Variants in TMEM74 observed in about 807,000 individuals in gnomAD.
TMEM74 encodes transmembrane protein 74.
Under a neutral mutation model 18.1 loss-of-function variants are expected in TMEM74, and 13 were observed. That is an observed-to-expected ratio of 0.72 (90% CI 0.47 to 1.14). The LOEUF (loss-of-function observed/expected upper bound fraction) is 1.14, where lower values mean the gene tolerates loss of function less well. Among genes scored for constraint, TMEM74 ranks in the 50% most tolerant of loss-of-function variants. The pLI is 0.00. For synonymous variants in TMEM74, 159 were observed against 146.6 expected (o/e 1.08, Z -0.61); for missense variants, 372 against 375.9 (o/e 0.99, Z 0.09).
rs144908708 is a variant in TMEM74, at chr8:108,634,397, T to C, written n.264+20896A>G. On this transcript the variant is annotated intron_variant and non_coding_transcript_variant, in intron 2 of 3. Coordinates refer to the TMEM74 transcript ENST00000518838. ...TATGTTCAACCAAATGCTACTCCTATTTCCCCCTATAAATTACTCCTCCTC... is the reference window on the plus strand; with the variant it reads ...TATGTTCAACCAAATGCTACTCCTACTTCCCCCTATAAATTACTCCTCCTC... Among the ~76,000 whole-genome samples, 943 of 152,038 alleles carry C rather than the reference T, an allele frequency of 6.2e-3. 14 individuals carry two copies. Among genetic ancestry groups the C allele is most frequent in the African/African-American group, 0.022 (899 of 41,526 alleles).
intron 1 of TMEM74, among the ~76,000 whole-genome samples, chr8:108,678,384 A>G (rs1813075562): frequency 6.6e-6 from 1 of 152,140 alleles, no homozygotes; most frequent in Admixed American, 6.5e-5. Context: ...TTAGTTTTTG[A>G]GATGGAGTCT....
intron 1 of TMEM74, among the ~76,000 whole-genome samples, chr8:108,673,885 ATTG>A (rs1192185136): frequency 1.3e-5 from 2 of 152,184 alleles, no homozygotes; most frequent in Non-Finnish European, 2.9e-5. Context: ...TATTTAGCCT[ATTG>A]TTAATACTTT....
chr8:108,610,554 G>T lies in TMEM74; in HGVS notation n.265-1728C>A, dbSNP rs529666033. ...GAAAATGGGTAAAATTCTTGAAAAA[G>T]TGGAGAGAAAAGGCCTAGTTGAGAA... On this transcript the variant is annotated intron_variant and non_coding_transcript_variant, in intron 2 of 3. Coordinates refer to the TMEM74 transcript ENST00000518838. 2.0e-5 allele frequency among the ~76,000 whole-genome samples: 3 copies of T among 152,290 alleles called. No individual in the cohort carries two copies. In the South Asian group the frequency reaches 6.2e-4, roughly 32 times the overall value.
intron 1 of TMEM74, among the ~76,000 whole-genome samples, chr8:108,718,040 G>T (rs1813545987): frequency 1.6e-5 from 1 of 60,998 alleles, no homozygotes; most frequent in Non-Finnish European, 2.4e-5. Flanking sequence ...CTCACTGCAA[G>T]CTCCGCCTCC....
At chr8:108,773,758 G>A (rs1814198601) in intron 1 of TMEM74, among the ~76,000 whole-genome samples, 1 of 152,120 alleles carries the variant, frequency 6.6e-6, no homozygotes, top group African/African-American at 2.4e-5. Flanking sequence ...CCAACAGCCA[G>A]CACAAACTTG....
At chr8:108,685,027 A>G (rs1406517316) in intron 1 of TMEM74, among the ~76,000 whole-genome samples, 2 of 152,038 alleles carry the variant, frequency 1.3e-5, no homozygotes, top group Non-Finnish European at 2.9e-5. Flanking sequence ...TTTAGGTAGT[A>G]TTGTCATTTT....
At chr8:108,638,832 C>G (rs1424668319) in intron 2 of TMEM74, among the ~76,000 whole-genome samples, 1 of 152,144 alleles carries the variant, frequency 6.6e-6, no homozygotes, top group African/African-American at 2.4e-5. Flanking sequence ...TTTTTTCACA[C>G]ACTCTTGCAT....
chr8:108,702,203 G>A (rs910060962), intron 1 of TMEM74, among the ~76,000 whole-genome samples: 1 of 151,906 alleles, frequency 6.6e-6, no homozygotes, highest in African/African-American at 2.4e-5. Context: ...AATTAGCCAG[G>A]TGTGGTGGTG....
intron 2 of TMEM74, among the ~76,000 whole-genome samples, chr8:108,651,614 T>C (rs942377038): frequency 2.6e-5 from 4 of 151,332 alleles, no homozygotes; most frequent in African/African-American, 9.7e-5. Context: ...GGCAGAGGAG[T>C]AGAGGCAGCT....
intron 2 of TMEM74, among the ~76,000 whole-genome samples, chr8:108,654,856 G>A (rs996430942): frequency 1.3e-5 from 2 of 151,760 alleles, no homozygotes; most frequent in African/African-American, 2.4e-5. Flanking sequence ...GAACTCTCTT[G>A]TATATATTGT....
At chr8:108,692,306 A>T (rs766698880) in intron 1 of TMEM74, among the ~76,000 whole-genome samples, 1 of 152,198 alleles carries the variant, frequency 6.6e-6, no homozygotes, top group Non-Finnish European at 1.5e-5. Flanking sequence ...TCAGTCCTCA[A>T]CATCTAACTT....
intron 1 of TMEM74, among the ~76,000 whole-genome samples, chr8:108,739,553 T>C (rs1813779260): frequency 6.6e-6 from 1 of 152,212 alleles, no homozygotes; most frequent in Non-Finnish European, 1.5e-5. Context: ...TGCAGTGTAA[T>C]AAATCACTCC....
chr8:108,682,247 C>T (rs1813122416), intron 1 of TMEM74, among the ~76,000 whole-genome samples: 1 of 152,066 alleles, frequency 6.6e-6, no homozygotes, highest in African/African-American at 2.4e-5. Flanking sequence ...GGATCATTCT[C>T]ATCTCCAGGC....
chr8:108,756,639 G>GAAGA (rs1450666199), intron 1 of TMEM74, among the ~76,000 whole-genome samples: 816 of 32,594 alleles, frequency 0.025, 56 homozygotes, highest in East Asian at 0.052. Context: ...AGGAAGGAAG[G>GAAGA]AAGAAAGAAA....
chr8:108,621,187 A>T (rs2130543034), intron 2 of TMEM74, among the ~76,000 whole-genome samples: 1 of 152,290 alleles, frequency 6.6e-6, no homozygotes, highest in South Asian at 2.1e-4. Flanking sequence ...GAACTTGGGA[A>T]GTGAAACAGG....
rs149863614 is a variant in TMEM74 at position 108,672,012 on chromosome 8, T to C, written n.120-16575A>G. ...TAGCACAAGTATTATTTCATTTAAA[T>C]TTTCCCCTTATTTGTACTAGAGAAT... On this transcript the variant is annotated intron_variant and non_coding_transcript_variant, in intron 1 of 3. Transcript: ENST00000518838. 6.8e-4 allele frequency among the ~76,000 whole-genome samples: 103 copies of C among 152,328 alleles called. 1 individual carries two copies. The highest frequency in any genetic ancestry group is 4.1e-3 in the South Asian group (20 of 4,828).
At chr8:108,627,881 C>T (rs1470319026) in intron 2 of TMEM74, among the ~76,000 whole-genome samples, 3 of 151,792 alleles carry the variant, frequency 2.0e-5, no homozygotes, top group African/African-American at 4.8e-5. Context: ...GGTGAAACCT[C>T]GTCTCTTCTA....
intron 1 of TMEM74, among the ~76,000 whole-genome samples, chr8:108,769,899 T>C (rs1366484572): frequency 6.6e-6 from 1 of 152,130 alleles, no homozygotes; most frequent in Non-Finnish European, 1.5e-5. Context: ...AGTGCTTATT[T>C]GTTATCTATT....
intron 1 of TMEM74, among the ~76,000 whole-genome samples, chr8:108,761,987 T>A (rs892029357): frequency 1.3e-5 from 2 of 152,190 alleles, no homozygotes; most frequent in African/African-American, 4.8e-5. Flanking sequence ...ATGCAATCCC[T>A]CTTACACTTC....
Sources: allele counts gnomAD v4.1 joint callset (sites outside exome capture counted in the v4.1 genomes callset), GRCh38; gene constraint gnomAD v4.1.1; transcripts MANE v1.5; gene names NCBI Gene and HGNC (gene_info 2026-07-23, HGNC 2026-07-21).